Variants in UGT1A5 observed in about 807,000 individuals in gnomAD.
The protein encoded by UGT1A5 is UDP-glucuronosyltransferase 1A5.
In UGT1A5, 29 loss-of-function variants were observed where a neutral mutation model predicts 40.3. The ratio of observed to expected loss-of-function variants is 0.72; its 90% CI spans 0.54 to 0.98. The LOEUF is 0.98. Among genes scored for constraint, UGT1A5 ranks in the 50% least tolerant of loss-of-function variants. The probability of loss-of-function intolerance (pLI) is 0.00; values close to 1 mark genes in which losing one functional copy is unlikely to be tolerated. For synonymous variants in UGT1A5, 257 were observed against 262.5 expected, an observed-to-expected ratio of 0.98 and a Z score of 0.20; for missense variants, 678 against 677.9, an observed-to-expected ratio of 1.00 and a Z score of 0.00.
chr2:233,729,363 C>G (rs747061628), intron 1 of UGT1A5: 9 of 1,614,038 alleles, frequency 5.6e-6, no homozygotes, highest in Non-Finnish European at 5.9e-6. Flanking sequence ...CCCTGACAAC[C>G]TATGCCATTT....
intron 1 of UGT1A5, among the ~76,000 whole-genome samples, chr2:233,766,078 C>T (rs1051764857): frequency 4.6e-5 from 7 of 152,154 alleles, no homozygotes; most frequent in African/African-American, 1.4e-4. Flanking sequence ...TCTACCTTGT[C>T]GCAAGGACAG....
intron 1 of UGT1A5, among the ~76,000 whole-genome samples, chr2:233,727,669 C>T (rs531135628): frequency 6.8e-4 from 104 of 152,310 alleles, no homozygotes; most frequent in Non-Finnish European, 1.3e-3. Flanking sequence ...TATGTCCTTA[C>T]AAATTCCCAG....
chr2:233,767,071 G>T lies in UGT1A5; in HGVS notation c.905G>T (p.Gly302Val). 6.2e-7 allele frequency: 1 copy of T among 1,614,098 alleles called. No homozygotes were observed. ...TACATTAATGCTTCTGGAGAACATG[G>T]AATTGTGGTTTTCTCTTTGGGATCA... ...EAYINASGEH[G>V]IVVFSLGSMV... The change falls in exon 2 of 5, where the codon GGA becomes GTA. Residue 302 changes from glycine (G) to valine (V), a missense_variant. Gly to Val is a moderately radical substitution (Grantham distance 109). Coordinates refer to ENST00000373414, the MANE Select transcript of UGT1A5 (RefSeq NM_019078.2).
rs1350270227 is a variant in UGT1A5 at position 233,745,087 on chromosome 2, TC to T, written c.868-21941del. On this transcript the variant is annotated intron_variant, in intron 1 of 4. Transcript: ENST00000373414. Reference sequence around the variant, plus strand: ...ATTTGTATTGTTTTTTCATTGCTCTTCCCCCCAAATATTTTTAATCTGCTGT... The same window carrying T: ...ATTTGTATTGTTTTTTCATTGCTCTTCCCCCAAATATTTTTAATCTGCTGT... 1.1e-4 allele frequency among the ~76,000 whole-genome samples: 17 copies of T among 151,820 alleles called. 1 individual carries two copies. Among genetic ancestry groups the T allele is most frequent in the African/African-American group, 4.1e-4 (17 of 41,100 alleles).
rs766578846 is a variant in UGT1A5 at position 233,743,643 on chromosome 2, T to C, written c.868-23391T>C. On this transcript the variant is annotated intron_variant, in intron 1 of 4. Transcript: ENST00000373414. ...AAGACGTCGGCTGGGTCGCGGAAGC[T>C]GAAGACGTACTCGAAGGGGTCCTCG... 2.2e-6 allele frequency: 3 copies of C among 1,367,168 alleles called. No homozygotes were observed. In the African/African-American group the frequency reaches 4.5e-5, roughly 20 times the overall value. The allele number at this position is 1,367,168 out of a possible 1,614,324, so 84.7% of individuals were successfully genotyped here.
In UGT1A5 at chr2:233,767,094, T is replaced by A; in HGVS notation, c.928T>A (p.Ser310Thr). 3 of 1,614,120 alleles carry A rather than the reference T, an allele frequency of 1.9e-6. No homozygotes were observed. The highest frequency in any genetic ancestry group is 2.5e-6 in the Non-Finnish European group (3 of 1,180,014). ...EHGIVVFSLG[S>T]MVSEIPEKKA... ...TGGAATTGTGGTTTTCTCTTTGGGA[T>A]CAATGGTCTCAGAAATTCCAGAGAA... Residue 310 changes from serine (S) to threonine (T), a missense_variant, in exon 2 of 5, where the codon TCA (serine) becomes ACA (threonine). Transcript: ENST00000373414.
chr2:233,759,981 A>G (rs1234447648), intron 1 of UGT1A5, among the ~76,000 whole-genome samples: 1 of 152,088 alleles, frequency 6.6e-6, no homozygotes, highest in African/African-American at 2.4e-5. Context: ...CTCTGGTAAC[A>G]CTTGTTGGTC....
Position 233,713,320 on chromosome 2 carries a change from T to C in UGT1A5, c.329T>C (p.Phe110Ser), listed in dbSNP as rs778430084. 1 of 1,614,228 alleles carries C rather than the reference T, an allele frequency of 6.2e-7. No individual in the cohort carries two copies. Among genetic ancestry groups the C allele is most frequent in the Admixed American group, 1.7e-5 (1 of 60,026 alleles). ...GAAACAGAACATCTTCTGATGAAAT[T>C]TTCTAGAAGAATGGCAATTATGAAC... Reference protein sequence around the residue: ...FFETEHLLMKFSRRMAIMNNM... With the variant: ...FFETEHLLMKSSRRMAIMNNM... Residue 110 changes from phenylalanine to serine, a missense_variant, in exon 1 of 5, where the codon TTT becomes TCT. Coordinates refer to ENST00000373414, the MANE Select transcript of UGT1A5 (RefSeq NM_019078.2).
intron 1 of UGT1A5, chr2:233,755,110 CGT>C: frequency 7.5e-7 from 1 of 1,333,642 alleles, no homozygotes; most frequent in Non-Finnish European, 1.0e-6. Flanking sequence ...GACAACACCT[CGT>C]AGGCCTCAGC....
At chr2:233,758,825 C>A (rs929060485) in intron 1 of UGT1A5, among the ~76,000 whole-genome samples, 2 of 152,114 alleles carry the variant, frequency 1.3e-5, no homozygotes, top group Admixed American at 6.5e-5. Flanking sequence ...ATATCCCCCC[C>A]AAAAAGAGTG....
chr2:233,735,915 C>T (rs1408003529), intron 1 of UGT1A5, among the ~76,000 whole-genome samples: 4 of 152,042 alleles, frequency 2.6e-5, no homozygotes, highest in South Asian at 4.2e-4. Flanking sequence ...GTGGGTAACC[C>T]GACCTTTCTC....
At chr2:233,730,895 C>G (rs909746979) in intron 1 of UGT1A5, among the ~76,000 whole-genome samples, 5 of 152,098 alleles carry the variant, frequency 3.3e-5, no homozygotes, top group African/African-American at 1.2e-4. Flanking sequence ...GGGATCTACT[C>G]CTTTACCAAA....
At chr2:233,770,709 G>A (rs1700141819) in intron 4 of UGT1A5, 2 of 151,546 alleles carry the variant, frequency 1.3e-5, no homozygotes, top group East Asian at 3.9e-4. Context: ...TAAGGTTTAT[G>A]TAAAAGGAAG....
At chr2:233,754,114 G>A (rs1442882252) in intron 1 of UGT1A5, among the ~76,000 whole-genome samples, 1 of 152,128 alleles carries the variant, frequency 6.6e-6, no homozygotes, top group Non-Finnish European at 1.5e-5. Flanking sequence ...CCTACATCAC[G>A]AGCATTTATG....
intron 1 of UGT1A5, among the ~76,000 whole-genome samples, chr2:233,763,438 G>A (rs1487731202): frequency 6.6e-6 from 1 of 152,146 alleles, no homozygotes; most frequent in African/African-American, 2.4e-5. Context: ...GCTTTAATAA[G>A]TGCATTTTGC....
intron 1 of UGT1A5, among the ~76,000 whole-genome samples, chr2:233,757,535 A>AATATATATAC (rs376887521): frequency 4.5e-5 from 4 of 88,310 alleles, no homozygotes; most frequent in South Asian, 5.2e-4. Context: ...GCCTGTAAGG[A>AATATATATAC]ATATATATAT....
At chr2:233,729,263 A>C (rs1204549030) in intron 1 of UGT1A5, 7 of 1,614,084 alleles carry the variant, frequency 4.3e-6, no homozygotes. Flanking sequence ...AGCATGCGGG[A>C]GGTCTTGCGG....
intron 1 of UGT1A5, chr2:233,747,457 T>A: frequency 6.2e-7 from 1 of 1,608,932 alleles, no homozygotes; most frequent in South Asian, 1.1e-5. Flanking sequence ...ACCTATGCCA[T>A]TTCATGGACC....
rs2126038220 is a variant in UGT1A5, at chr2:233,768,440, G to T, written c.1307+1G>T. ...TAAAAGCAGTCATCAATGACAAAAG[G>T]TAAGAAAGAAGATACAGAAGAATAC... On this transcript the variant is annotated splice_donor_variant, in intron 4 of 4. Coordinates refer to ENST00000373414, the MANE Select transcript of UGT1A5 (RefSeq NM_019078.2). LOFTEE classifies it high-confidence loss of function. 1.2e-6 allele frequency: 2 copies of T among 1,613,446 alleles called. No individual in the cohort carries two copies. Among genetic ancestry groups the T allele is most frequent in the Non-Finnish European group, 1.7e-6 (2 of 1,179,672 alleles).
Sources: allele counts gnomAD v4.1 joint callset (sites outside exome capture counted in the v4.1 genomes callset), GRCh38; gene constraint gnomAD v4.1.1; transcripts MANE v1.5; gene names NCBI Gene and HGNC (gene_info 2026-07-23, HGNC 2026-07-21).